Variants in CNNM3 observed in about 807,000 individuals in gnomAD.
The protein encoded by CNNM3 is cyclin and CBS domain divalent metal cation transport mediator 3.
CNNM3 carries 47 observed loss-of-function variants against 57.1 expected under a neutral mutation model. That is an observed-to-expected ratio of 0.82 (90% CI 0.65 to 1.05). The LOEUF is 1.05. CNNM3 is among the 50% of genes least tolerant of loss of function. The pLI is 0.00. For missense variants in CNNM3, 957 were observed against 973.7 expected (o/e 0.98, Z 0.23); for synonymous variants, 507 against 478.2 (o/e 1.06, Z -0.79).
intron 1 of CNNM3, among the ~76,000 whole-genome samples, chr2:96,823,506 G>C (rs1298581882): frequency 1.3e-5 from 2 of 152,232 alleles, no homozygotes; most frequent in African/African-American, 4.8e-5. Flanking sequence ...AAGGTGTCTA[G>C]AAACGCGGTT....
At position 96,827,787 on chromosome 2, in the gene CNNM3, A is replaced by G; in HGVS notation, c.1576A>G (p.Lys526Glu). 1 of 1,614,150 alleles carries G rather than the reference A, an allele frequency of 6.2e-7. No homozygotes were observed. Among genetic ancestry groups the G allele is most frequent in the Non-Finnish European group, 8.5e-7 (1 of 1,180,006 alleles). Reference sequence around the variant, plus strand: ...TGAGAAGGTCCTGCTGCACCTGTTGAAGCATCCCAGTGTCAACCAGGAAGT... The same window carrying G: ...TGAGAAGGTCCTGCTGCACCTGTTGGAGCATCCCAGTGTCAACCAGGAAGT... Reference protein sequence around the residue: ...ISEKVLLHLLKHPSVNQEVRF... With the variant: ...ISEKVLLHLLEHPSVNQEVRF... Residue 526 changes from lysine (K) to glutamate (E), a missense_variant, in exon 4 of 8, where the codon AAG (lysine) becomes GAG (glutamate). This residue lies in a region of CNNM3 where 491 missense variants were observed against 570.6 expected (regional missense o/e 0.86). Coordinates refer to ENST00000305510, the MANE Select transcript of CNNM3 (RefSeq NM_017623.5).
chr2:96,822,502 G>A (rs2079424750), intron 1 of CNNM3, among the ~76,000 whole-genome samples: 1 of 152,042 alleles, frequency 6.6e-6, no homozygotes, highest in Admixed American at 6.6e-5. Context: ...AGAGATTGGG[G>A]TCTCCCTATG....
chr2:96,825,951 C>A (rs2153354956), intron 2 of CNNM3, among the ~76,000 whole-genome samples: 1 of 152,290 alleles, frequency 6.6e-6, no homozygotes, highest in South Asian at 2.1e-4. Flanking sequence ...GTAAAAGTGT[C>A]CGCCTGTTAG....
At position 96,833,401 on chromosome 2, in the gene CNNM3, CCTCT is replaced by C. The variant is rs1414082351; in HGVS notation, c.*789_*792del. On this transcript the variant is annotated 3_prime_UTR_variant, in exon 8 of 8. Coordinates refer to ENST00000305510, the MANE Select transcript of CNNM3 (RefSeq NM_017623.5). Reference sequence around the variant, plus strand: ...AAGGGATCGTCATGCTGCATCGAATCCTCTCTCCGCCGTGTGGCCCCCAGGAGAG... The same window carrying C: ...AAGGGATCGTCATGCTGCATCGAATCCTCCGCCGTGTGGCCCCCAGGAGAG... The C allele has an allele frequency of 4.6e-6, 1 of 217,460 alleles. No homozygotes were observed. The highest frequency in any genetic ancestry group is 2.5e-5 in the African/African-American group (1 of 40,796). The allele number at this position is 217,460 out of a possible 1,614,324, so 13.5% of individuals were successfully genotyped here. A position where few individuals can be genotyped will look rare whatever the true frequency, so the allele number is the denominator to read the frequency against.
At chr2:96,832,471 C>T (rs1307644370) in intron 7 of CNNM3, 81 bp from the exon 8 acceptor site, 1 of 1,599,806 alleles carries the variant, frequency 6.3e-7, no homozygotes, top group African/African-American at 1.3e-5. Flanking sequence ...CCCTTCCTGT[C>T]CCACAGAGGA....
chr2:96,817,542 T>C (rs1185693252), intron 1 of CNNM3, 40 bp downstream of exon 1: 2 of 1,563,418 alleles, frequency 1.3e-6, no homozygotes, highest in African/African-American at 2.7e-5. Flanking sequence ...CCCGTGCGAG[T>C]GCCCTCTCCC....
At chr2:96,827,605 C>T in intron 3 of CNNM3, 126 bp from the exon 4 acceptor site, 2 of 907,904 alleles carry the variant, frequency 2.2e-6, no homozygotes, top group Non-Finnish European at 3.3e-6. Flanking sequence ...TTAGGGGCAG[C>T]TGCTCACAGG....
Position 96,816,546 on chromosome 2 carries a change from C to G in CNNM3, c.269C>G (p.Ala90Gly). ...GAGGGGGCGGGCTGCCGGGAGGAGG[C>G]GGCCTCCCCCGCGGGCGAGTGGCGC... ...APEGAGCREE[A>G]ASPAGEWRAL... Residue 90 changes from alanine (A) to glycine (G), a missense_variant, in exon 1 of 8, where the codon GCG (alanine) becomes GGG (glycine). Ala to Gly is a moderately conservative substitution (Grantham distance 60, BLOSUM62 0). Coordinates refer to ENST00000305510, the MANE Select transcript of CNNM3 (RefSeq NM_017623.5). 1 of 1,328,832 alleles carries G rather than the reference C, an allele frequency of 7.5e-7. No individual in the cohort carries two copies. The highest frequency in any genetic ancestry group is 3.1e-5 in the East Asian group (1 of 32,212). The allele number at this position is 1,328,832 out of a possible 1,614,324, so 82.3% of individuals were successfully genotyped here.
intron 2 of CNNM3, 135 bp from the exon 3 acceptor site, chr2:96,826,698 C>T (rs1183872268): frequency 4.3e-5 from 43 of 1,007,868 alleles, no homozygotes; most frequent in Non-Finnish European, 3.0e-6. Context: ...GAGGACATGT[C>T]CCTGGCGTTC....
chr2:96,825,751 A>G lies in CNNM3; in HGVS notation c.1369+550A>G, dbSNP rs562773321. ...CTCCATCTCTGCTAAAAATACAAAC[A>G]TTAGCTGGGCGTGGTGGTGCGTGCC... On this transcript the variant is annotated intron_variant, in intron 2 of 7. Transcript: ENST00000305510. Among the ~76,000 whole-genome samples, 105 of 152,310 alleles carry G rather than the reference A, an allele frequency of 6.9e-4. 1 individual carries two copies. The highest frequency in any genetic ancestry group is 2.5e-3 in the African/African-American group (102 of 41,582).
chr2:96,829,197 C>A, intron 7 of CNNM3, 63 bp downstream of exon 7: 2 of 1,551,716 alleles, frequency 1.3e-6, no homozygotes, highest in Non-Finnish European at 1.7e-6. Flanking sequence ...CTCACACACA[C>A]AGACTTGCAC....
intron 3 of CNNM3, among the ~76,000 whole-genome samples, chr2:96,827,240 C>T (rs971213291): frequency 1.3e-5 from 2 of 148,390 alleles, no homozygotes; most frequent in African/African-American, 2.5e-5. Flanking sequence ...CTCAGCTGGG[C>T]GGATGTGGGG....
downstream of CNNM3, chr2:96,837,096 A>G (rs1332308157): frequency 6.6e-6 from 1 of 152,174 alleles, no homozygotes; most frequent in African/African-American, 2.4e-5. Flanking sequence ...CTCTGCCAGC[A>G]TTGCACTCTT....
chr2:96,827,807 G>A lies in CNNM3; in HGVS notation c.1596G>A (p.Gln532=). 1 of 1,614,196 alleles carries A rather than the reference G, an allele frequency of 6.2e-7. No individual in the cohort carries two copies. The change falls in exon 4 of 8, where the codon CAG becomes CAA. Residue 532 remains glutamine (Q), a synonymous_variant. Coordinates refer to ENST00000305510, the MANE Select transcript of CNNM3 (RefSeq NM_017623.5). The part of the protein sequence containing the change: ...LHLLKHPSVN[Q]EVRFDESNRL... ...TGTTGAAGCATCCCAGTGTCAACCA[G>A]GAAGTGAGGTTTGACGAGAGCAACC...
intron 6 of CNNM3, 52 bp downstream of exon 6, chr2:96,828,752 C>T (rs1430652548): frequency 1.9e-5 from 31 of 1,608,488 alleles, no homozygotes; most frequent in African/African-American, 1.2e-4. Context: ...TTTGTGTCAC[C>T]GGGGGCTAGA....
At chr2:96,836,329 G>A (rs999665616), downstream of CNNM3, among the ~76,000 whole-genome samples, 2 of 146,780 alleles carry the variant, frequency 1.4e-5, no homozygotes, top group Admixed American at 7.0e-5. Flanking sequence ...TGCAACCTCC[G>A]CCTCCCAGTT....
At position 96,833,339 on chromosome 2, in the gene CNNM3, A is replaced by C; in HGVS notation, c.*723A>C. ...CTGAGTTGCCACTCGCAGTGTTGTC[A>C]GTTCCCGTGTTCTGAGAAGAGGTCA... On this transcript the variant is annotated 3_prime_UTR_variant, in exon 8 of 8. Coordinates refer to ENST00000305510, the MANE Select transcript of CNNM3 (RefSeq NM_017623.5). The C allele has an allele frequency of 3.4e-6, 1 of 294,124 alleles. No individual in the cohort carries two copies. Among genetic ancestry groups the C allele is most frequent in the Non-Finnish European group, 6.7e-6 (1 of 148,676 alleles). 18.2% of individuals were successfully genotyped at this position (294,124 alleles called of 1,614,324 possible).
chr2:96,827,110 T>C (rs747491329), intron 3 of CNNM3, 128 bp downstream of exon 3: 3 of 1,013,352 alleles, frequency 3.0e-6, no homozygotes, highest in Non-Finnish European at 4.3e-6. Flanking sequence ...GACTTCTGTG[T>C]TCTCTGCAGC....
In CNNM3 at chr2:96,832,622, C is replaced by A; in HGVS notation, c.*6C>A. On this transcript the variant is annotated 3_prime_UTR_variant, in exon 8 of 8. Transcript: ENST00000305510. ...GGCGGAACCCAGGCGTTTAACGGCT[C>A]ACTAGGCAGCCCCAGATCTGGGGAA... 6.2e-7 allele frequency: 1 copy of A among 1,613,300 alleles called. No individual in the cohort carries two copies.
Sources: allele counts gnomAD v4.1 joint callset (sites outside exome capture counted in the v4.1 genomes callset), GRCh38; gene constraint gnomAD v4.1.1; regional missense constraint gnomAD v4.1.1; transcripts MANE v1.5; gene names NCBI Gene and HGNC (gene_info 2026-07-23, HGNC 2026-07-21).